MAST2: variants seen among roughly 807,000 people sequenced by gnomAD.
The protein encoded by MAST2 is microtubule associated serine/threonine kinase 2.
MAST2 carries 70 observed loss-of-function variants against 147.4 expected under a neutral mutation model. The ratio of observed to expected loss-of-function variants is 0.47; its 90% confidence interval spans 0.39 to 0.58. The LOEUF (loss-of-function observed/expected upper bound fraction) is 0.58. Ranked by LOEUF, MAST2 falls within the 20% of genes least tolerant of loss-of-function variation. MAST2 has a pLI of 0.00. For synonymous variants in MAST2, 869 were observed against 896.8 expected (o/e 0.97, Z 0.55); for missense variants, 2,080 against 2,302.3 (o/e 0.90, Z 1.98).
intron 3 of MAST2, among the ~76,000 whole-genome samples, chr1:45,880,086 C>G (rs949919740): frequency 3.9e-5 from 6 of 152,080 alleles, no homozygotes; most frequent in Non-Finnish European, 7.4e-5. Flanking sequence ...TATATCTACC[C>G]TTTAACTGAG....
chr1:45,847,968 G>GTGA (rs1458459322), intron 3 of MAST2, among the ~76,000 whole-genome samples: 1 of 152,182 alleles, frequency 6.6e-6, no homozygotes, highest in East Asian at 1.9e-4. Context: ...ATAATTACTA[G>GTGA]TGATAGTTTA....
At chr1:45,907,390 C>T (rs894132602) in intron 4 of MAST2, among the ~76,000 whole-genome samples, 5 of 151,646 alleles carry the variant, frequency 3.3e-5, no homozygotes, top group African/African-American at 1.2e-4. Context: ...TGAATCTTAA[C>T]TCCTTTTGAA....
intron 3 of MAST2, among the ~76,000 whole-genome samples, chr1:45,869,258 A>G (rs2148146535): frequency 6.6e-6 from 1 of 152,334 alleles, no homozygotes; most frequent in South Asian, 2.1e-4. Context: ...GTAGACAAGG[A>G]TAATCAGTCC....
intron 7 of MAST2, among the ~76,000 whole-genome samples, chr1:46,004,473 C>T (rs922984529): frequency 6.6e-6 from 1 of 151,968 alleles, no homozygotes; most frequent in Non-Finnish European, 1.5e-5. Flanking sequence ...TAACTCATTG[C>T]TCCAGCTTAT....
intron 5 of MAST2, among the ~76,000 whole-genome samples, chr1:45,974,889 G>A (rs1393791019): frequency 1.3e-5 from 2 of 152,206 alleles, no homozygotes; most frequent in African/African-American, 4.8e-5. Context: ...AAGAATGTGA[G>A]TGATACAGGA....
intron 6 of MAST2, among the ~76,000 whole-genome samples, chr1:46,000,262 C>T (rs1385195919): frequency 2.0e-5 from 3 of 152,064 alleles, no homozygotes; most frequent in East Asian, 1.9e-4. Context: ...TGCAGTGAGC[C>T]GAGATCGTGC....
rs1317583546 is a variant in MAST2, at chr1:46,029,618, A to T, written c.2320+51A>T. On this transcript the variant is annotated intron_variant, in intron 19 of 28. Coordinates refer to ENST00000361297, the MANE Select transcript of MAST2 (RefSeq NM_015112.3). ...TCACTACTTGGAAAAGGGGTAAGGG[A>T]GGCTGAGTCATGTACCCTGGAGGTT... 8 of 1,554,724 alleles carry T rather than the reference A, an allele frequency of 5.1e-6. No individual in the cohort carries two copies. In the East Asian group the frequency reaches 1.8e-4, roughly 35 times the overall value.
intron 4 of MAST2, among the ~76,000 whole-genome samples, chr1:45,902,301 G>A (rs992997199): frequency 5.3e-5 from 8 of 152,042 alleles, no homozygotes; most frequent in African/African-American, 1.2e-4. Flanking sequence ...ATTTGTGTAC[G>A]CTGAACCATC....
chr1:45,824,776 A>G (rs1450228681), intron 2 of MAST2, among the ~76,000 whole-genome samples, 196 bp downstream of exon 2: 1 of 152,116 alleles, frequency 6.6e-6, no homozygotes, highest in African/African-American at 2.4e-5. Flanking sequence ...GACCTGATAG[A>G]TATTTCTTGG....
At chr1:45,840,759 G>T (rs368235295) in intron 3 of MAST2, among the ~76,000 whole-genome samples, 4 of 152,146 alleles carry the variant, frequency 2.6e-5, no homozygotes, top group Non-Finnish European at 5.9e-5. Flanking sequence ...GTCAAGCATA[G>T]CAGCCAAGTT....
chr1:45,847,509 TA>T, intron 3 of MAST2: 1 of 799,914 alleles, frequency 1.3e-6, no homozygotes, highest in Non-Finnish European at 2.0e-6. Context: ...CTTTTTTTCT[TA>T]TTTGTGGGCC....
chr1:45,904,786 T>G (rs1475692427), intron 4 of MAST2, among the ~76,000 whole-genome samples: 1 of 151,514 alleles, frequency 6.6e-6, no homozygotes, highest in Non-Finnish European at 1.5e-5. Context: ...TTTTCTTGCT[T>G]TTAGTTTTTG....
chr1:46,033,438 T>TAAA lies in MAST2; in HGVS notation c.3538-350_3538-348dup, dbSNP rs140010156. ...TGGGTGACAGAGTGAGACTCTGTCT[T>TAAA]AAAAAAAAAAAAAAAAGATGTAGGT... On this transcript the variant is annotated intron_variant, in intron 26 of 28. Coordinates refer to ENST00000361297, the MANE Select transcript of MAST2 (RefSeq NM_015112.3). 3.6e-4 allele frequency among the ~76,000 whole-genome samples: 50 copies of TAAA among 137,304 alleles called. No homozygotes were observed. In the East Asian group the frequency reaches 9.6e-3, roughly 26 times the overall value. 90.1% of individuals were successfully genotyped at this position (137,304 alleles called of 152,430 possible).
At position 45,874,393 on chromosome 1, in the gene MAST2, C is replaced by T. The variant is rs577951420; in HGVS notation, c.469-7971C>T. On this transcript the variant is annotated intron_variant, in intron 3 of 28. Transcript: ENST00000361297. ...AGTAAATGATATTAACATAGATTTT[C>T]TTCCTCGGTAATATTTTTCTCTTCT... Among the ~76,000 whole-genome samples, 11 of 152,252 alleles carry T rather than the reference C, an allele frequency of 7.2e-5. No individual in the cohort carries two copies. In the South Asian group the frequency reaches 2.3e-3, roughly 32 times the overall value.
rs1236970328 is a variant in MAST2, at chr1:45,870,965, GA to G, written c.469-11398del. ...ATAACAACAACAAAAATTCATGGAAGATTTTTTTTGTTGTTGTTAGTTTTTC... is the reference window on the plus strand; with the variant it reads ...ATAACAACAACAAAAATTCATGGAAGTTTTTTTTGTTGTTGTTAGTTTTTC... On this transcript the variant is annotated intron_variant, in intron 3 of 28. Transcript: ENST00000361297. 3.3e-5 allele frequency among the ~76,000 whole-genome samples: 5 copies of G among 151,496 alleles called. No homozygotes were observed. In the South Asian group the frequency reaches 6.3e-4, roughly 19 times the overall value.
intron 1 of MAST2, among the ~76,000 whole-genome samples, chr1:45,821,885 CTTTTTTTTTTT>C (rs71587723): frequency 9.9e-6 from 1 of 100,848 alleles, no homozygotes; most frequent in African/African-American, 4.1e-5. Flanking sequence ...TCACCTTCAC[CTTTTTTTTTTT>C]TTTTTTTTTG....
chr1:45,817,905 A>G (rs576173470), intron 1 of MAST2, among the ~76,000 whole-genome samples: 18 of 152,038 alleles, frequency 1.2e-4, no homozygotes, highest in Admixed American at 5.9e-4. Flanking sequence ...ATTTTCGCCA[A>G]TGAGAAATGT....
intron 3 of MAST2, among the ~76,000 whole-genome samples, chr1:45,859,625 C>T (rs1476952436): frequency 2.0e-5 from 3 of 152,178 alleles, no homozygotes. Flanking sequence ...TTGTGCTTAT[C>T]TTGGCTTGCT....
intron 10 of MAST2, among the ~76,000 whole-genome samples, chr1:46,012,116 T>A (rs1484848397): frequency 4.3e-4 from 65 of 152,250 alleles, no homozygotes; most frequent in Admixed American, 9.2e-4. Flanking sequence ...TGAAAATCAC[T>A]GGTAGCTGTT....
Sources: gnomAD v4.1 joint callset for allele counts (sites outside exome capture counted in the v4.1 genomes callset) on GRCh38, gnomAD v4.1.1 for gene constraint, MANE v1.5 for transcripts, NCBI Gene and HGNC (gene_info 2026-07-23, HGNC 2026-07-21) for gene names.